IKZF2: variants seen among roughly 807,000 people sequenced by gnomAD.
IKZF2 encodes the protein IKAROS family zinc finger 2.
Under a neutral mutation model 49.2 loss-of-function variants are expected in IKZF2, and 15 were observed. The observed-to-expected ratio is 0.30, with a 90% CI of 0.20 to 0.47. IKZF2 has a LOEUF of 0.47. Ranked by LOEUF, IKZF2 falls within the 20% of genes least tolerant of loss-of-function variation. The pLI, the probability that IKZF2 is intolerant of heterozygous loss-of-function variation, is 1.00. For synonymous variants in IKZF2, 227 were observed against 221.4 expected (o/e 1.03, Z -0.23); for missense variants, 567 against 664.6 (o/e 0.85, Z 1.61).
intron 6 of IKZF2, among the ~76,000 whole-genome samples, chr2:213,048,460 G>A (rs2125322333): frequency 6.6e-6 from 1 of 152,094 alleles, no homozygotes; most frequent in East Asian, 1.9e-4. Flanking sequence ...TCTGGCTAGA[G>A]TACATGACAA....
chr2:213,007,409 C>T lies in IKZF2; in HGVS notation c.1532G>A (p.Arg511His), dbSNP rs181639094. The T allele has an allele frequency of 8.1e-6, 13 of 1,613,432 alleles. No individual in the cohort carries two copies. The highest frequency in any genetic ancestry group is 6.7e-5 in the African/African-American group (5 of 74,972). The change falls in exon 9 of 9, where the codon CGT (arginine) becomes CAT (histidine). Residue 511 changes from arginine to histidine, a missense_variant. By Grantham distance (29) the Arg-to-His change is conservative. Coordinates refer to ENST00000434687, the MANE Select transcript of IKZF2 (RefSeq NM_001387220.1). Reference sequence around the variant, plus strand: ...AACAATGTGTGATGAAAACTCATAACGGTCCTGGCTTCTGTAGCCACAGAT... The same window carrying T: ...AACAATGTGTGATGAAAACTCATAATGGTCCTGGCTTCTGTAGCCACAGAT... ...CNICGYRSQD[R>H]YEFSSHIVRG...
intron 5 of IKZF2, among the ~76,000 whole-genome samples, chr2:213,053,212 T>C (rs1700838973): frequency 6.6e-6 from 1 of 152,140 alleles, no homozygotes; most frequent in Non-Finnish European, 1.5e-5. Flanking sequence ...AAATCTAGAC[T>C]AACAAAACTG....
At chr2:213,123,618 A>T (rs74628585) in intron 4 of IKZF2, among the ~76,000 whole-genome samples, 3,578 of 152,208 alleles carry the variant, frequency 0.024, 110 homozygotes, top group African/African-American at 0.075. Context: ...ATAAATAAAT[A>T]AATTAAAAGA....
chr2:213,112,876 T>C (rs555928595), intron 4 of IKZF2, among the ~76,000 whole-genome samples: 1 of 152,256 alleles, frequency 6.6e-6, no homozygotes, highest in East Asian at 1.9e-4. Context: ...ATCTACCTCA[T>C]AGGGTTTTAT....
chr2:213,145,873 T>C (rs2061039811), intron 4 of IKZF2, among the ~76,000 whole-genome samples: 1 of 152,146 alleles, frequency 6.6e-6, no homozygotes, highest in Non-Finnish European at 1.5e-5. Flanking sequence ...ATAAGTTTAC[T>C]GTTGTTGGGT....
At chr2:213,116,051 C>G (rs1022650943) in intron 4 of IKZF2, among the ~76,000 whole-genome samples, 1 of 152,112 alleles carries the variant, frequency 6.6e-6, no homozygotes, top group African/African-American at 2.4e-5. Flanking sequence ...AAAGGGATAA[C>G]AGATTATACT....
At chr2:213,048,695 C>T (rs1700399031) in intron 6 of IKZF2, among the ~76,000 whole-genome samples, 1 of 151,682 alleles carries the variant, frequency 6.6e-6, no homozygotes, top group Non-Finnish European at 1.5e-5. Flanking sequence ...TTGTAACTGC[C>T]CCAAATTTAA....
At chr2:213,117,103 T>A (rs574705562) in intron 4 of IKZF2, among the ~76,000 whole-genome samples, 3 of 152,234 alleles carry the variant, frequency 2.0e-5, no homozygotes, top group African/African-American at 7.2e-5. Context: ...ATATTAGGCA[T>A]CTGAGTATTC....
intron 4 of IKZF2, among the ~76,000 whole-genome samples, chr2:213,097,320 T>A (rs936551331): frequency 1.3e-5 from 2 of 151,966 alleles, no homozygotes; most frequent in Admixed American, 6.6e-5. Context: ...GAATTAAACT[T>A]CTATCTCTGC....
At chr2:213,014,138 T>G (rs939762423) in intron 7 of IKZF2, 1 of 427,172 alleles carries the variant, frequency 2.3e-6, no homozygotes, top group Middle Eastern at 6.2e-4. Context: ...TTTATTTGAG[T>G]CTCTCTTAAA....
chr2:213,093,234 T>A (rs1461075915), intron 4 of IKZF2, among the ~76,000 whole-genome samples: 2 of 152,142 alleles, frequency 1.3e-5, no homozygotes, highest in Non-Finnish European at 2.9e-5. Context: ...CCAAAATTCT[T>A]CCCCAAATCC....
intron 4 of IKZF2, chr2:213,147,334 T>C: frequency 2.4e-6 from 1 of 425,492 alleles, no homozygotes; most frequent in African/African-American, 2.0e-5. Flanking sequence ...CAAGGCAACA[T>C]AAAATTATTT....
Position 213,007,294 on chromosome 2 carries a change from G to A in IKZF2, c.*66C>T. ...TCAACATTTGAGGAAAGGTGGGATT[G>A]TAAGTGCAGTATTTCTTCATGTGCA... On this transcript the variant is annotated 3_prime_UTR_variant, in exon 9 of 9. Transcript: ENST00000434687. 1 of 1,487,974 alleles carries A rather than the reference G, an allele frequency of 6.7e-7. No individual in the cohort carries two copies. Among genetic ancestry groups the A allele is most frequent in the Non-Finnish European group, 9.1e-7 (1 of 1,101,466 alleles). 92.2% of individuals were successfully genotyped at this position (1,487,974 alleles called of 1,614,324 possible).
intron 6 of IKZF2, among the ~76,000 whole-genome samples, chr2:213,022,945 C>T (rs763811325): frequency 6.6e-6 from 1 of 151,894 alleles, no homozygotes; most frequent in Non-Finnish European, 1.5e-5. Flanking sequence ...TTAAAAAAAA[C>T]CTTAAAAAAC....
At position 213,007,902 on chromosome 2, in the gene IKZF2, C is replaced by T; in HGVS notation, c.1039G>A (p.Val347Met). ...TAAGCTGAGCTTATAACTGGGGCCA[C>T]TTCAGCGATTGTGCTTGGCGGGTGC... ...MQHPPSTIAE[V>M]APVISSAYSQ... Residue 347 changes from valine (V) to methionine (M), a missense_variant, in exon 9 of 9, where the codon GTG becomes ATG. By Grantham distance (21) the Val-to-Met change is conservative (BLOSUM62 1). Around this residue, in one of 5 missense-constraint regions of IKZF2, gnomAD observed 310 missense variants for 326.9 expected, o/e 0.95. Transcript: ENST00000434687. 1 of 1,613,576 alleles carries T rather than the reference C, an allele frequency of 6.2e-7. No individual in the cohort carries two copies. The highest frequency in any genetic ancestry group is 8.5e-7 in the Non-Finnish European group (1 of 1,179,732).
At chr2:213,082,465 A>G (rs1704058863) in intron 4 of IKZF2, among the ~76,000 whole-genome samples, 1 of 152,208 alleles carries the variant, frequency 6.6e-6, no homozygotes, top group Non-Finnish European at 1.5e-5. Flanking sequence ...ATAATGATAA[A>G]AACATAGATA....
intron 7 of IKZF2, among the ~76,000 whole-genome samples, chr2:213,020,509 C>G (rs1361888331): frequency 1.3e-5 from 2 of 151,862 alleles, no homozygotes; most frequent in Non-Finnish European, 2.9e-5. Context: ...CCTATGCTAT[C>G]ATCATCAGCC....
At chr2:213,066,306 T>C (rs900186682) in intron 4 of IKZF2, among the ~76,000 whole-genome samples, 1 of 151,980 alleles carries the variant, frequency 6.6e-6, no homozygotes, top group Non-Finnish European at 1.5e-5. Flanking sequence ...GCAGGATTTC[T>C]ATCACTGGGC....
At chr2:213,105,990 ATTTG>A (rs2059510968) in intron 4 of IKZF2, among the ~76,000 whole-genome samples, 1 of 152,198 alleles carries the variant, frequency 6.6e-6, no homozygotes, top group Non-Finnish European at 1.5e-5. Context: ...TAAATGTACA[ATTTG>A]TTTGAAAACG....
Sources: allele counts gnomAD v4.1 joint callset (sites outside exome capture counted in the v4.1 genomes callset), GRCh38; gene constraint gnomAD v4.1.1; regional missense constraint gnomAD v4.1.1; transcripts MANE v1.5; gene names NCBI Gene and HGNC (gene_info 2026-07-23, HGNC 2026-07-21).